The following NUAK1 variants were observed in gnomAD, a reference collection of about 807,000 sequenced individuals.
The protein encoded by NUAK1 is NUAK family SNF1-like kinase 1.
A neutral mutation model predicts 56.9 loss-of-function variants in NUAK1; 26 were observed. The observed-to-expected ratio is 0.46, with a 90% CI of 0.33 to 0.63. The LOEUF is 0.63. Ranked by LOEUF, NUAK1 falls within the 30% of genes least tolerant of loss-of-function variation. NUAK1 has a pLI of 0.02. For missense variants in NUAK1, 727 were observed against 876.1 expected (o/e 0.83, Z 2.15); for synonymous variants, 337 against 336.0 (o/e 1.00, Z -0.03).
chr12:106,086,348 G>A (rs2032570276), intron 3 of NUAK1, among the ~76,000 whole-genome samples: 1 of 152,174 alleles, frequency 6.6e-6, no homozygotes, highest in Non-Finnish European at 1.5e-5. Context: ...ACAGAAAAAG[G>A]TCATTGGTGT....
chr12:106,131,681 CT>C (rs1387696597), intron 1 of NUAK1, among the ~76,000 whole-genome samples: 1 of 152,170 alleles, frequency 6.6e-6, no homozygotes, highest in African/African-American at 2.4e-5. Context: ...TAATAATGCT[CT>C]ATAGACATTT....
At chr12:106,082,861 T>C (rs189995148) in intron 4 of NUAK1, among the ~76,000 whole-genome samples, 27 of 152,108 alleles carry the variant, frequency 1.8e-4, no homozygotes, top group Non-Finnish European at 3.5e-4. Context: ...AACAAAAAAA[T>C]CATTCCCATG....
chr12:106,121,364 T>C (rs1385571456), intron 1 of NUAK1, among the ~76,000 whole-genome samples: 1 of 152,160 alleles, frequency 6.6e-6, no homozygotes, highest in Admixed American at 6.5e-5. Flanking sequence ...CCTCCTCATT[T>C]CACGCTTCTC....
At chr12:106,135,636 GAACC>G (rs2033122530) in intron 1 of NUAK1, among the ~76,000 whole-genome samples, 1 of 152,152 alleles carries the variant, frequency 6.6e-6, no homozygotes, top group Admixed American at 6.5e-5. Context: ...AAACACGTTA[GAACC>G]ACTGCTCCTC....
At chr12:106,115,744 G>A (rs997994565) in intron 1 of NUAK1, among the ~76,000 whole-genome samples, 3 of 152,162 alleles carry the variant, frequency 2.0e-5, no homozygotes, top group Admixed American at 6.5e-5. Flanking sequence ...GAGTGTGCTC[G>A]GCCCCAGACG....
At chr12:106,106,086 G>A (rs75312087) in intron 2 of NUAK1, 3,611 of 208,610 alleles carry the variant, frequency 0.017, 49 homozygotes, top group Non-Finnish European at 0.027. Flanking sequence ...TGGTCACCCA[G>A]CAAACTGTCA....
Position 106,067,800 on chromosome 12 carries a change from G to A in NUAK1, c.988C>T (p.Arg330Trp), listed in dbSNP as rs771180903. The change falls in exon 7 of 7, where the codon CGG (arginine) becomes TGG (tryptophan). Residue 330 changes from arginine to tryptophan, a missense_variant. By Grantham distance (101) the Arg-to-Trp change is moderately radical. Coordinates refer to ENST00000261402, the MANE Select transcript of NUAK1 (RefSeq NM_014840.3). This position sits in a 1 kb window ranked among gnomAD's most constrained non-coding sequence, Gnocchi z 6.0. Reference protein sequence around the residue: ...LHDSESPLLARIIDWHHRSTG... With the variant: ...LHDSESPLLAWIIDWHHRSTG... ...GAACGGTGGTGCCAGTCAATGATCC[G>A]AGCCAGGAGTGGGGACTCAGAGTCA... 18 of 1,614,018 alleles carry A rather than the reference G, an allele frequency of 1.1e-5. No homozygotes were observed. The African/African-American group carries it at 1.2e-4, about 11-fold the overall frequency.
chr12:106,089,614 C>A (rs947386645), intron 2 of NUAK1, among the ~76,000 whole-genome samples: 1 of 152,084 alleles, frequency 6.6e-6, no homozygotes, highest in African/African-American at 2.4e-5. Context: ...ATGGTGAAAC[C>A]CCATCTCCAC....
chr12:106,119,212 T>C (rs1048822430), intron 1 of NUAK1, among the ~76,000 whole-genome samples: 4 of 152,332 alleles, frequency 2.6e-5, no homozygotes, highest in African/African-American at 9.6e-5. Context: ...CCAAAACCAC[T>C]ATCTCTTAAC....
chr12:106,072,930 A>T (rs774137956), intron 4 of NUAK1, 87 bp from the exon 5 acceptor site: 4 of 1,489,566 alleles, frequency 2.7e-6, no homozygotes, highest in Non-Finnish European at 3.7e-6. Context: ...CAGCACACAG[A>T]GTGGATGAAG....
At chr12:106,086,533 TGAAAG>T (rs1245237332) in intron 3 of NUAK1, among the ~76,000 whole-genome samples, 196 bp downstream of exon 3, 2 of 152,146 alleles carry the variant, frequency 1.3e-5, no homozygotes, top group East Asian at 3.9e-4. Flanking sequence ...GGAAGAAGAC[TGAAAG>T]GAAACAAGCA....
chr12:106,073,833 A>G (rs578176769), intron 4 of NUAK1, among the ~76,000 whole-genome samples: 8 of 151,950 alleles, frequency 5.3e-5, no homozygotes, highest in Non-Finnish European at 1.0e-4. Context: ...AAAAAATAAG[A>G]TGACACCGTG....
chr12:106,119,507 A>G lies in NUAK1; in HGVS notation c.241-12982T>C, dbSNP rs147386859. Among the ~76,000 whole-genome samples, 103 of 152,284 alleles carry G rather than the reference A, an allele frequency of 6.8e-4. 1 individual carries two copies. Among genetic ancestry groups the G allele is most frequent in the Middle Eastern group, 3.4e-3 (1 of 294 alleles). On this transcript the variant is annotated intron_variant, in intron 1 of 6. Coordinates refer to ENST00000261402, the MANE Select transcript of NUAK1 (RefSeq NM_014840.3). The stretch of plus-strand genomic sequence containing the variant: ...GATCGTCACCCATAGTTTTCCTACT[A>G]ACACAATTACGAGGAAAGCTTACTC...
chr12:106,126,267 C>T (rs995962749), intron 1 of NUAK1, among the ~76,000 whole-genome samples: 9 of 152,232 alleles, frequency 5.9e-5, no homozygotes, highest in African/African-American at 2.4e-5. Context: ...ATATCTTACT[C>T]CCTGTTGCCT....
rs547481746 is a variant in NUAK1 at position 106,107,498 on chromosome 12, C to T, written c.241-973G>A. On this transcript the variant is annotated intron_variant, in intron 1 of 6. Transcript: ENST00000261402. ...ATCAGAAAGCCTGCCTAGTTCCCTT[C>T]CAGGCTGGTCCTCTTGTGACCTCAA... Among the ~76,000 whole-genome samples, 192 of 152,288 alleles carry T rather than the reference C, an allele frequency of 1.3e-3. 1 individual carries two copies. Among genetic ancestry groups the T allele is most frequent in the Non-Finnish European group, 1.2e-3 (80 of 68,016 alleles).
In NUAK1 at chr12:106,127,309, C is replaced by T. The variant is rs371873860; in HGVS notation, c.240+11105G>A. The stretch of plus-strand genomic sequence containing the variant: ...CCCCCCAAGTAGCCAGGACTACAGA[C>T]GCAGGCCACTATGCCCAGCTAACTT... On this transcript the variant is annotated intron_variant, in intron 1 of 6. Coordinates refer to ENST00000261402, the MANE Select transcript of NUAK1 (RefSeq NM_014840.3). Among the ~76,000 whole-genome samples, 10 of 152,236 alleles carry T rather than the reference C, an allele frequency of 6.6e-5. No individual in the cohort carries two copies. The East Asian group carries it at 7.7e-4, about 12-fold the overall frequency.
At chr12:106,109,078 G>C (rs1287073889) in intron 1 of NUAK1, among the ~76,000 whole-genome samples, 1 of 152,170 alleles carries the variant, frequency 6.6e-6, no homozygotes, top group African/African-American at 2.4e-5. Context: ...CTGTTTCAAA[G>C]GGGTGACAGG....
chr12:106,121,289 T>C (rs1034939689), intron 1 of NUAK1, among the ~76,000 whole-genome samples: 1 of 152,202 alleles, frequency 6.6e-6, no homozygotes, highest in Non-Finnish European at 1.5e-5. Flanking sequence ...AGATAATGTA[T>C]GTAAACTGCA....
chr12:106,087,864 A>G (rs558029275), intron 2 of NUAK1, among the ~76,000 whole-genome samples: 67 of 152,226 alleles, frequency 4.4e-4, no homozygotes, highest in Admixed American at 7.9e-4. Context: ...GGCTGGAATC[A>G]GCAGGGCTCC....
Sources: allele counts gnomAD v4.1 joint callset (sites outside exome capture counted in the v4.1 genomes callset), GRCh38; gene constraint gnomAD v4.1.1; non-coding constraint Gnocchi (gnomAD v3.1); transcripts MANE v1.5; gene names NCBI Gene and HGNC (gene_info 2026-07-23, HGNC 2026-07-21).